TSBP1: variants seen among roughly 807,000 people sequenced by gnomAD.
The protein encoded by TSBP1 is testis expressed basic protein 1, also known as testis-expressed basic protein 1.
A neutral mutation model predicts 68.8 loss-of-function variants in TSBP1; 56 were observed. The observed-to-expected ratio is 0.81, with a 90% CI of 0.66 to 1.02. The LOEUF (loss-of-function observed/expected upper bound fraction) is 1.02, where lower values mean the gene tolerates loss of function less well. Among genes scored for constraint, TSBP1 ranks in the 50% least tolerant of loss-of-function variants. TSBP1 has a pLI of 0.00. For synonymous variants in TSBP1, 171 were observed against 208.7 expected (o/e 0.82, Z 1.56); for missense variants, 502 against 641.2 (o/e 0.78, Z 2.34).
In TSBP1 at chr6:32,343,373, C is replaced by T; in HGVS notation, c.350-3735G>A. 1 of 518,700 alleles carries T rather than the reference C, an allele frequency of 1.9e-6. No homozygotes were observed. Among genetic ancestry groups the T allele is most frequent in the African/African-American group, 2.0e-5 (1 of 50,586 alleles). The allele number at this position is 518,700 out of a possible 1,614,324, so 32.1% of individuals were successfully genotyped here. A position where few individuals can be genotyped will look rare whatever the true frequency, so the allele number is the denominator to read the frequency against. The stretch of plus-strand genomic sequence containing the variant: ...TCAGGTTATTAGACTTTCCATTCCC[C>T]TGTAGGTAGGCTCATAAAGTGGCCA... On this transcript the variant is annotated intron_variant, in intron 9 of 22. Transcript: ENST00000612031. This position sits in a 1 kb window ranked among gnomAD's most constrained non-coding sequence, Gnocchi z 4.3.
chr6:32,364,878 G>A (rs1342532849), intron 6 of TSBP1, among the ~76,000 whole-genome samples: 2 of 149,720 alleles, frequency 1.3e-5, no homozygotes, highest in African/African-American at 2.4e-5. Flanking sequence ...ATATTTGTTT[G>A]TGCCTACTTC....
intron 8 of TSBP1, among the ~76,000 whole-genome samples, chr6:32,352,382 T>C (rs1419833228): frequency 6.6e-6 from 1 of 151,826 alleles, no homozygotes; most frequent in African/African-American, 2.4e-5. Context: ...AAAAGTTAAA[T>C]AGTACACATG....
Position 32,337,718 on chromosome 6 carries a change from C to G in TSBP1, c.410-1083G>C, listed in dbSNP as rs997405496. Among the ~76,000 whole-genome samples the G allele has an allele frequency of 1.4e-4, 21 of 152,158 alleles. No individual in the cohort carries two copies. Among genetic ancestry groups the G allele is most frequent in the Non-Finnish European group, 2.9e-4 (20 of 67,990 alleles). ...CACACCCCACCACACCTCTCTACAC[C>G]TCATAGGCTATAAGTGATTCTCTCA... On this transcript the variant is annotated intron_variant, in intron 11 of 22. Coordinates refer to ENST00000612031, the Ensembl canonical transcript of TSBP1. The surrounding 1 kb of genome is among the most constrained non-coding windows in gnomAD (Gnocchi z 5.5).
intron 19 of TSBP1, among the ~76,000 whole-genome samples, chr6:32,311,408 A>C (rs1766387441): frequency 6.6e-6 from 1 of 152,206 alleles, no homozygotes; most frequent in Non-Finnish European, 1.5e-5. Flanking sequence ...ATTGACAAGT[A>C]GGATCACAAA....
exon 23 of TSBP1, chr6:32,293,325 C>T (rs1239156360): frequency 3.1e-6 from 5 of 1,612,678 alleles, no homozygotes; most frequent in Admixed American, 1.7e-5. Context: ...CCTTTCAGTA[C>T]ACCTGCCTCA....
In TSBP1 at chr6:32,316,398, A is replaced by T. The variant is rs1766958179; in HGVS notation, c.560-606T>A. ...AAAAAGACATGTAATACTTACTTAT[A>T]GGTGCTGCCAGCTGACCTAAAAAAA... On this transcript the variant is annotated intron_variant, in intron 18 of 22. Coordinates refer to ENST00000612031, the Ensembl canonical transcript of TSBP1. This position sits in a 1 kb window ranked among gnomAD's most constrained non-coding sequence, Gnocchi z 4.5. 6.4e-7 allele frequency: 1 copy of T among 1,565,596 alleles called. No homozygotes were observed. The highest frequency in any genetic ancestry group is 8.7e-7 in the Non-Finnish European group (1 of 1,153,318).
intron 8 of TSBP1, among the ~76,000 whole-genome samples, chr6:32,351,679 A>G (rs1771735189): frequency 6.6e-6 from 1 of 152,130 alleles, no homozygotes; most frequent in Non-Finnish European, 1.5e-5. Flanking sequence ...AGTCCACAGA[A>G]TGGAAACTCT....
Position 32,359,100 on chromosome 6 carries a change from G to T in TSBP1, c.218-3431C>A, listed in dbSNP as rs550165381. Among the ~76,000 whole-genome samples, 388 of 131,824 alleles carry T rather than the reference G, an allele frequency of 2.9e-3. 1 individual carries two copies. Among genetic ancestry groups the T allele is most frequent in the Non-Finnish European group, 5.3e-3 (340 of 64,308 alleles). 86.5% of individuals were successfully genotyped at this position (131,824 alleles called of 152,430 possible). A position where few individuals can be genotyped will look rare whatever the true frequency, so the allele number is the denominator to read the frequency against. Reference sequence around the variant, plus strand: ...CACCCCACAGCAGTCCCCAGAGTGTGATGTTCCCCTTCCTGTGTCCATGTG... The same window carrying T: ...CACCCCACAGCAGTCCCCAGAGTGTTATGTTCCCCTTCCTGTGTCCATGTG... On this transcript the variant is annotated intron_variant, in intron 6 of 22. Transcript: ENST00000612031.
intron 1 of TSBP1, 77 bp downstream of exon 1, chr6:32,371,616 TA>T: frequency 5.9e-6 from 6 of 1,022,518 alleles, no homozygotes; most frequent in Non-Finnish European, 9.3e-6. Flanking sequence ...GCAGTTGTGT[TA>T]AAGTCCCTAA....
chr6:32,318,712 AAAG>A (rs1767252829), intron 18 of TSBP1, among the ~76,000 whole-genome samples: 2 of 152,292 alleles, frequency 1.3e-5, no homozygotes, highest in South Asian at 2.1e-4. Flanking sequence ...ATAGAGACAG[AAAG>A]AAGATTAGTG....
At chr6:32,317,765 A>G (rs9268227) in intron 18 of TSBP1, among the ~76,000 whole-genome samples, 104,178 of 152,110 alleles carry the variant, frequency 0.68, 35,852 homozygotes, top group South Asian at 0.82. Flanking sequence ...ATACCATCTC[A>G]CACCAGGCAG....
At chr6:32,366,762 C>CAAAAAAAAAA (rs9257084) in intron 4 of TSBP1, among the ~76,000 whole-genome samples, 4 of 77,444 alleles carry the variant, frequency 5.2e-5, no homozygotes, top group African/African-American at 9.2e-5. Context: ...GACTCCGTCT[C>CAAAAAAAAAA]AAAAAAAAAA....
intron 17 of TSBP1, 193 bp from the exon 19 acceptor site, chr6:32,323,330 A>G: frequency 1.5e-6 from 1 of 667,328 alleles, no homozygotes; most frequent in Non-Finnish European, 2.7e-6. Context: ...GAATTATTCT[A>G]AGGATTAAAT....
chr6:32,330,052 A>G (rs1768766454), intron 16 of TSBP1, among the ~76,000 whole-genome samples: 1 of 151,998 alleles, frequency 6.6e-6, no homozygotes, highest in Non-Finnish European at 1.5e-5. Context: ...GCGCGCGCGC[A>G]CGTGTGTTGG....
intron 19 of TSBP1, among the ~76,000 whole-genome samples, chr6:32,307,044 T>A (rs1231696215): frequency 2.6e-5 from 4 of 152,188 alleles, no homozygotes; most frequent in African/African-American, 9.6e-5. Context: ...CTGTTATTTT[T>A]AAATACTTTT....
intron 9 of TSBP1, among the ~76,000 whole-genome samples, chr6:32,349,003 T>C (rs148641338): frequency 0.011 from 1,630 of 152,238 alleles, 22 homozygotes; most frequent in Middle Eastern, 0.031. Flanking sequence ...TTAGACAAAA[T>C]GCTCAATGAT....
At chr6:32,324,379 T>A (rs1286436566) in intron 16 of TSBP1, 2 of 597,358 alleles carry the variant, frequency 3.3e-6, no homozygotes, top group African/African-American at 1.8e-5. Context: ...GTTGATGGGC[T>A]TTGAAATTTT....
At chr6:32,346,907 A>G (rs892618052) in intron 9 of TSBP1, among the ~76,000 whole-genome samples, 2 of 152,170 alleles carry the variant, frequency 1.3e-5, no homozygotes, top group African/African-American at 2.4e-5. Context: ...TGGGAGGAAT[A>G]CTTTCAGGAG....
intron 19 of TSBP1, among the ~76,000 whole-genome samples, chr6:32,310,638 C>A (rs925093530): frequency 6.7e-6 from 1 of 149,836 alleles, no homozygotes; most frequent in Non-Finnish European, 1.5e-5. Flanking sequence ...TATATATTAT[C>A]TAATCATTGT....
Sources: gnomAD v4.1 joint callset for allele counts (sites outside exome capture counted in the v4.1 genomes callset) on GRCh38, gnomAD v4.1.1 for gene constraint, Gnocchi (gnomAD v3.1) non-coding constraint, MANE v1.5 for transcripts, NCBI Gene and HGNC (gene_info 2026-07-23, HGNC 2026-07-21) for gene names.